PRLR: variants seen among roughly 807,000 people sequenced by gnomAD.
PRLR encodes the protein prolactin receptor.
Under a neutral mutation model 40.2 loss-of-function variants are expected in PRLR, and 13 were observed. The ratio of observed to expected loss-of-function variants is 0.32; its 90% CI spans 0.21 to 0.51. The LOEUF (loss-of-function observed/expected upper bound fraction) is 0.51. Among genes scored for constraint, PRLR ranks in the 20% least tolerant of loss-of-function variants. The pLI, the probability that PRLR is intolerant of heterozygous loss-of-function variation, is 0.97. For missense variants in PRLR, 656 were observed against 747.3 expected (o/e 0.88, Z 1.42); for synonymous variants, 269 against 278.7 (o/e 0.97, Z 0.35).
At position 35,193,369 on chromosome 5, in the gene PRLR, C is replaced by T. The variant is rs888492463; in HGVS notation, c.-106+36899G>A. ...TGTGTAACTCATGTGAGCACAAACA[C>T]GGGTAAGATATGAACAGATCCAAAG... On this transcript the variant is annotated intron_variant, in intron 1 of 9. Transcript: ENST00000618457. Among the ~76,000 whole-genome samples the T allele has an allele frequency of 3.9e-5, 6 of 152,196 alleles. No homozygotes were observed. The East Asian group carries it at 5.8e-4, about 15-fold the overall frequency.
intron 1 of PRLR, among the ~76,000 whole-genome samples, chr5:35,172,909 A>G (rs965085793): frequency 6.6e-6 from 1 of 152,228 alleles, no homozygotes; most frequent in African/African-American, 2.4e-5. Flanking sequence ...GTGAAAATGT[A>G]ATAAATTCAT....
chr5:35,054,527 T>C (rs1768627400), downstream of PRLR, among the ~76,000 whole-genome samples: 1 of 152,192 alleles, frequency 6.6e-6, no homozygotes, highest in Admixed American at 6.5e-5. Flanking sequence ...ATAAATTATA[T>C]GTATATGTAC....
chr5:35,228,091 GGAGA>G (rs1273253584), intron 1 of PRLR, among the ~76,000 whole-genome samples: 4 of 152,040 alleles, frequency 2.6e-5, no homozygotes, highest in Admixed American at 2.0e-4. Context: ...AAGCCCCATA[GGAGA>G]GAGAGAGTAA....
intron 3 of PRLR, among the ~76,000 whole-genome samples, chr5:35,086,560 GGTGT>G (rs113256007): frequency 1.4e-3 from 210 of 148,162 alleles, no homozygotes; most frequent in African/African-American, 4.4e-3. Flanking sequence ...GCATTTTGCT[GGTGT>G]GTGTGTGTGT....
chr5:35,170,573 G>C (rs901135643), intron 1 of PRLR, among the ~76,000 whole-genome samples: 1 of 152,202 alleles, frequency 6.6e-6, no homozygotes, highest in African/African-American at 2.4e-5. Context: ...GCTGAGGTGG[G>C]AGGATTGTTT....
At chr5:35,083,472 G>A (rs1215866923) in intron 5 of PRLR, among the ~76,000 whole-genome samples, 1 of 151,208 alleles carries the variant, frequency 6.6e-6, no homozygotes, top group Non-Finnish European at 1.5e-5. Flanking sequence ...GTGTGTGTGT[G>A]TGTGCACAGA....
intron 1 of PRLR, among the ~76,000 whole-genome samples, chr5:35,205,055 T>C (rs914350350): frequency 2.0e-5 from 3 of 152,168 alleles, no homozygotes; most frequent in Non-Finnish European, 4.4e-5. Flanking sequence ...TTTGAATTTC[T>C]GTATGTGTGT....
Position 35,065,544 on chromosome 5 carries a change from T to C in PRLR, c.1414A>G (p.Lys472Glu). 1.2e-6 allele frequency: 2 copies of C among 1,614,100 alleles called. No homozygotes were observed. Residue 472 changes from lysine (K) to glutamate (E), a missense_variant, in exon 10 of 10, where the codon AAG becomes GAG. By Grantham distance (56) the Lys-to-Glu change is moderately conservative. This residue lies in a region of PRLR where 469 missense variants were observed against 491.5 expected (regional missense o/e 0.95). Coordinates refer to ENST00000618457, the MANE Select transcript of PRLR (RefSeq NM_000949.7). The part of the protein sequence containing the change: ...SQTIKSREEG[K>E]ATQQREVESF... Reference sequence around the variant, plus strand: ...TCTACCTCCCTCTGCTGGGTTGCCTTTCCCTCTTCTCTAGACTTAATGGTT... The same window carrying C: ...TCTACCTCCCTCTGCTGGGTTGCCTCTCCCTCTTCTCTAGACTTAATGGTT...
chr5:35,049,428 C>T (rs1328381497), intron 8 of PRLR: 1 of 702,710 alleles, frequency 1.4e-6, no homozygotes, highest in East Asian at 2.7e-5. Flanking sequence ...GGAAGAAAAA[C>T]AGTACATTCT....
chr5:35,116,468 T>C (rs1053922768), intron 2 of PRLR, among the ~76,000 whole-genome samples: 2 of 152,216 alleles, frequency 1.3e-5, no homozygotes, highest in Non-Finnish European at 2.9e-5. Flanking sequence ...GAATAATGAA[T>C]ACACACACAA....
intron 5 of PRLR, among the ~76,000 whole-genome samples, chr5:35,076,569 T>C (rs556029826): frequency 1.3e-5 from 2 of 152,330 alleles, no homozygotes; most frequent in African/African-American, 2.4e-5. Flanking sequence ...CGACATCTGA[T>C]TGGTGTACCT....
chr5:35,136,487 G>T (rs1773861816), intron 1 of PRLR, among the ~76,000 whole-genome samples: 1 of 152,220 alleles, frequency 6.6e-6, no homozygotes, highest in Non-Finnish European at 1.5e-5. Context: ...AATAAAAAGT[G>T]TCTCCAGACA....
At chr5:35,159,477 A>G (rs1774611292) in intron 1 of PRLR, among the ~76,000 whole-genome samples, 1 of 152,158 alleles carries the variant, frequency 6.6e-6, no homozygotes, top group African/African-American at 2.4e-5. Flanking sequence ...CCTCCACTCT[A>G]CTGATACAAA....
chr5:35,169,597 T>C (rs1774939354), intron 1 of PRLR, among the ~76,000 whole-genome samples: 1 of 152,218 alleles, frequency 6.6e-6, no homozygotes, highest in Non-Finnish European at 1.5e-5. Context: ...GTTTGACTAT[T>C]GCAATCTTGG....
In PRLR at chr5:35,230,319, G is replaced by A. The variant is rs542841963; in HGVS notation, c.-157C>T. ...ATCAGTCGATGAGTACTTCCTGCACGAGGACATGAAGCTCCATTGTGTGGA... is the reference window on the plus strand; with the variant it reads ...ATCAGTCGATGAGTACTTCCTGCACAAGGACATGAAGCTCCATTGTGTGGA... On this transcript the variant is annotated 5_prime_UTR_variant, in exon 1 of 10. Coordinates refer to ENST00000618457, the MANE Select transcript of PRLR (RefSeq NM_000949.7). 1 of 152,418 alleles carries A rather than the reference G, an allele frequency of 6.6e-6. No homozygotes were observed. The highest frequency in any genetic ancestry group is 1.5e-5 in the Non-Finnish European group (1 of 68,072). 9.4% of individuals were successfully genotyped at this position (152,418 alleles called of 1,614,324 possible).
At chr5:35,114,734 C>A (rs1400053201) in intron 2 of PRLR, among the ~76,000 whole-genome samples, 1 of 152,154 alleles carries the variant, frequency 6.6e-6, no homozygotes, top group Non-Finnish European at 1.5e-5. Context: ...AGGATGGGGT[C>A]TTTTGCTTCA....
intron 2 of PRLR, among the ~76,000 whole-genome samples, chr5:35,104,484 TGACA>T (rs947125106): frequency 2.0e-5 from 3 of 152,080 alleles, no homozygotes; most frequent in Non-Finnish European, 4.4e-5. Flanking sequence ...AGGGAAGCCG[TGACA>T]GACAGTACCT....
At chr5:35,209,010 T>C (rs1004003415) in intron 1 of PRLR, among the ~76,000 whole-genome samples, 13 of 152,162 alleles carry the variant, frequency 8.5e-5, no homozygotes, top group African/African-American at 2.9e-4. Context: ...GAATGATTTA[T>C]TGCTACTTAC....
intron 1 of PRLR, among the ~76,000 whole-genome samples, chr5:35,181,611 C>T (rs889283133): frequency 5.9e-5 from 9 of 152,192 alleles, no homozygotes; most frequent in African/African-American, 2.2e-4. Flanking sequence ...AACTCATTTA[C>T]AGATTAACTG....
Sources: gnomAD v4.1 joint callset for allele counts (sites outside exome capture counted in the v4.1 genomes callset) on GRCh38, gnomAD v4.1.1 for gene constraint, gnomAD v4.1.1 regional missense constraint, MANE v1.5 for transcripts, NCBI Gene and HGNC (gene_info 2026-07-23, HGNC 2026-07-21) for gene names.